Variants in CFHR3 observed in about 807,000 individuals in gnomAD.
CFHR3 encodes complement factor H related 3, also known as complement factor H-related protein 3.
CFHR3 carries 22 observed loss-of-function variants against 36.0 expected under a neutral mutation model. The ratio of observed to expected loss-of-function variants is 0.61; its 90% CI spans 0.44 to 0.87. The LOEUF (loss-of-function observed/expected upper bound fraction) is 0.87. CFHR3 is among the 40% of genes least tolerant of loss of function. The probability of loss-of-function intolerance (pLI) is 0.00; values close to 1 mark genes in which losing one functional copy is unlikely to be tolerated. For synonymous variants in CFHR3, 97 were observed against 137.4 expected (o/e 0.71, Z 2.06); for missense variants, 276 against 401.3 (o/e 0.69, Z 2.67).
At chr1:196,789,076 C>T (rs1458286432) in intron 4 of CFHR3, 1 of 1,124,866 alleles carries the variant, frequency 8.9e-7, no homozygotes, top group Non-Finnish European at 1.1e-6. Context: ...GGAAATCTTT[C>T]AGTGGCAAAA....
Position 196,782,909 on chromosome 1 carries a change from T to G in CFHR3, c.430+2936T>G, listed in dbSNP as rs1044331992. ...TTTTCAAAGGAATGCTTCCAGTTTT[T>G]GCCCATTCAGTATGATATTGGCTGT... is the stretch of plus-strand genomic sequence containing the variant. On this transcript the variant is annotated intron_variant, in intron 3 of 5. Transcript: ENST00000367425. Among the ~76,000 whole-genome samples, 4 of 137,372 alleles carry G rather than the reference T, an allele frequency of 2.9e-5. 1 individual carries two copies. Among genetic ancestry groups the G allele is most frequent in the African/African-American group, 1.2e-4 (4 of 32,886 alleles). 90.1% of individuals were successfully genotyped at this position (137,372 alleles called of 152,430 possible).
intron 3 of CFHR3, among the ~76,000 whole-genome samples, chr1:196,781,597 C>T (rs1411579732): frequency 7.3e-6 from 1 of 137,022 alleles, no homozygotes; most frequent in Non-Finnish European, 1.5e-5. Context: ...GCGTAAATGT[C>T]TTCTTTTGAG....
chr1:196,790,561 A>G (rs188160886), intron 5 of CFHR3, among the ~76,000 whole-genome samples: 1 of 134,320 alleles, frequency 7.4e-6, no homozygotes, highest in East Asian at 2.0e-4. Flanking sequence ...CCGTATCTAC[A>G]AAAAATACAA....
intron 2 of CFHR3, 122 bp downstream of exon 2, chr1:196,779,478 A>G (rs1363494898): frequency 1.1e-6 from 1 of 882,852 alleles, no homozygotes; most frequent in East Asian, 2.5e-5. Flanking sequence ...GAGTTGTTCA[A>G]GCAAAATGAC....
In CFHR3 at chr1:196,790,163, A is replaced by G; in HGVS notation, c.732A>G (p.Glu244=). 7.3e-7 allele frequency: 1 copy of G among 1,370,736 alleles called. No homozygotes were observed. The highest frequency in any genetic ancestry group is 9.7e-7 in the Non-Finnish European group (1 of 1,028,920). 84.9% of individuals were successfully genotyped at this position (1,370,736 alleles called of 1,614,324 possible). ...RVEYQCQPYY[E]LQGSNYVTCS... ...AGTACCAATGCCAGCCCTACTATGA[A>G]CTTCAGGGTTCTAATTATGTAACAT... Residue 244 remains glutamate, a synonymous_variant, in exon 5 of 6, where the codon GAA becomes GAG. Coordinates refer to ENST00000367425, the MANE Select transcript of CFHR3 (RefSeq NM_021023.6).
intron 1 of CFHR3, among the ~76,000 whole-genome samples, chr1:196,775,281 T>G (rs895120191): frequency 7.3e-6 from 1 of 137,060 alleles, no homozygotes; most frequent in Non-Finnish European, 1.6e-5. Context: ...ATGTTCAGAA[T>G]TTTCCTATAC....
In CFHR3 at chr1:196,779,994, T is replaced by C. The variant is rs1360787633; in HGVS notation, c.430+21T>C. On this transcript the variant is annotated intron_variant, in intron 3 of 5. Transcript: ENST00000367425. ...TGTCAGTAAGTACACCGCTCTGAGA[T>C]CCCAGCATGTTCATGTCTTTCTAAG... The C allele has an allele frequency of 1.3e-6, 2 of 1,531,576 alleles. 1 individual carries two copies. Among genetic ancestry groups the C allele is most frequent in the African/African-American group, 3.3e-5 (2 of 60,654 alleles). 94.9% of individuals were successfully genotyped at this position (1,531,576 alleles called of 1,614,324 possible).
chr1:196,789,939 C>T lies in CFHR3; in HGVS notation c.614-106C>T. 2.4e-6 allele frequency: 3 copies of T among 1,238,434 alleles called. 1 individual carries two copies. Among genetic ancestry groups the T allele is most frequent in the Non-Finnish European group, 3.2e-6 (3 of 951,040 alleles). 76.7% of individuals were successfully genotyped at this position (1,238,434 alleles called of 1,614,324 possible). On this transcript the variant is annotated intron_variant, in intron 4 of 5. Transcript: ENST00000367425. ...CAACGTTGAAAATGCAGATGTCTTC[C>T]TAAGAAATCAAATAAGATACAGTTA...
chr1:196,789,607 T>C lies in CFHR3; in HGVS notation c.614-438T>C, dbSNP rs111562370. The C allele has an allele frequency of 4.0e-3, 5,332 of 1,346,902 alleles. 1,177 individuals carry two copies. The African/African-American group carries it at 0.073, about 19-fold the overall frequency. The allele number at this position is 1,346,902 out of a possible 1,614,324, so 83.4% of individuals were successfully genotyped here. On this transcript the variant is annotated intron_variant, in intron 4 of 5. Transcript: ENST00000367425. ...TTACATAACTACATAAATGGTTACA[T>C]TAACTTTTAAATTCACAAATTTAAA...
intron 1 of CFHR3, among the ~76,000 whole-genome samples, chr1:196,778,459 C>A (rs1290868080): frequency 7.3e-6 from 1 of 136,632 alleles, no homozygotes; most frequent in Non-Finnish European, 1.5e-5. Context: ...ATAGAAGAAA[C>A]ATAAATTATA....
At position 196,789,437 on chromosome 1, in the gene CFHR3, A is replaced by G. The variant is rs1654337262; in HGVS notation, c.614-608A>G. ...GGGCTCTGTGTAAAGAAAAAGGTGT[A>G]TACTTCAATTTTACTCAGCTTTGAT... On this transcript the variant is annotated intron_variant, in intron 4 of 5. Coordinates refer to ENST00000367425, the MANE Select transcript of CFHR3 (RefSeq NM_021023.6). 2 of 928,952 alleles carry G rather than the reference A, an allele frequency of 2.2e-6. 1 individual carries two copies. The highest frequency in any genetic ancestry group is 9.8e-5 in the South Asian group (2 of 20,488). The allele number at this position is 928,952 out of a possible 1,614,324, so 57.5% of individuals were successfully genotyped here. A position where few individuals can be genotyped will look rare whatever the true frequency, so the allele number is the denominator to read the frequency against.
rs142116844 is a variant in CFHR3 at position 196,787,767 on chromosome 1, A to G, written c.431-449A>G. ...CAACCATTTTAAATTCTTGGAGACA[A>G]AGGATTTACAAAATTACTTTCTTGC... On this transcript the variant is annotated intron_variant, in intron 3 of 5. Coordinates refer to ENST00000367425, the MANE Select transcript of CFHR3 (RefSeq NM_021023.6). Among the ~76,000 whole-genome samples the G allele has an allele frequency of 7.7e-3, 1,063 of 137,268 alleles. 269 individuals are homozygous for G. The highest frequency in any genetic ancestry group is 0.031 in the African/African-American group (1,026 of 32,880). 90.1% of individuals were successfully genotyped at this position (137,268 alleles called of 152,430 possible).
rs1443938670 is a variant in CFHR3 at position 196,794,222 on chromosome 1, T to C, written c.*709T>C. 7.2e-5 allele frequency: 12 copies of C among 166,680 alleles called. 1 individual carries two copies. Among genetic ancestry groups the C allele is most frequent in the Non-Finnish European group, 1.3e-4 (11 of 83,492 alleles). The allele number at this position is 166,680 out of a possible 1,614,324, so 10.3% of individuals were successfully genotyped here. On this transcript the variant is annotated 3_prime_UTR_variant, in exon 6 of 6. Transcript: ENST00000367425. ...GCACACGCCTGTAATCCTAGCACTT[T>C]GAGAGGCCAAGCTGGCAATCATCAG...
chr1:196,778,754 AATT>A (rs1257935480), intron 1 of CFHR3, among the ~76,000 whole-genome samples: 3 of 136,610 alleles, frequency 2.2e-5, no homozygotes, highest in Admixed American at 1.4e-4. Context: ...TCCAAAAAAC[AATT>A]ATTGGTAATG....
rs183051788 is a variant in CFHR3, at chr1:196,783,782, G to A, written c.430+3809G>A. Among the ~76,000 whole-genome samples, 90 of 136,228 alleles carry A rather than the reference G, an allele frequency of 6.6e-4. 22 individuals carry two copies. The highest frequency in any genetic ancestry group is 2.3e-3 in the African/African-American group (76 of 32,416). The allele number at this position is 136,228 out of a possible 152,430, so 89.4% of individuals were successfully genotyped here. On this transcript the variant is annotated intron_variant, in intron 3 of 5. Transcript: ENST00000367425. ...CCTGGATTCATTAATTTTTTGACAG[G>A]CTTTTTGTGCCTCTATTTCCTTCAG... is the stretch of plus-strand genomic sequence containing the variant.
Position 196,779,909 on chromosome 1 carries a change from A to G in CFHR3, c.366A>G (p.Lys122=). The change falls in exon 3 of 6, where the codon AAA becomes AAG. Residue 122 remains lysine, a synonymous_variant. Transcript: ENST00000367425. ...VACHPGYGLP[K]AQTTVTCTEK... is the part of the protein sequence containing the mutation. ...GCCATCCTGGCTACGGTCTTCCAAA[A>G]GCGCAGACCACAGTTACATGTACGG... 6.5e-7 allele frequency: 1 copy of G among 1,533,612 alleles called. No homozygotes were observed. The highest frequency in any genetic ancestry group is 1.6e-5 in the African/African-American group (1 of 60,684).
Position 196,782,601 on chromosome 1 carries a change from G to T in CFHR3, c.430+2628G>T, listed in dbSNP as rs1422279961. ...GAGTTCACTCATGATTTGGCTCTCT[G>T]TTTGTCTGTTATTGGTGTATAAGAA... On this transcript the variant is annotated intron_variant, in intron 3 of 5. Coordinates refer to ENST00000367425, the MANE Select transcript of CFHR3 (RefSeq NM_021023.6). Among the ~76,000 whole-genome samples, 3 of 136,552 alleles carry T rather than the reference G, an allele frequency of 2.2e-5. 1 individual carries two copies. The highest frequency in any genetic ancestry group is 4.7e-5 in the Non-Finnish European group (3 of 64,474). The allele number at this position is 136,552 out of a possible 152,430, so 89.6% of individuals were successfully genotyped here. A position where few individuals can be genotyped will look rare whatever the true frequency, so the allele number is the denominator to read the frequency against.
At chr1:196,781,456 A>G (rs1653944770) in intron 3 of CFHR3, among the ~76,000 whole-genome samples, 1 of 134,038 alleles carries the variant, frequency 7.5e-6, no homozygotes, top group Non-Finnish European at 1.6e-5. Context: ...CATCCTCTCC[A>G]GCACCTGTTG....
In CFHR3 at chr1:196,786,519, T is replaced by C. The variant is rs56738717; in HGVS notation, c.431-1697T>C. Among the ~76,000 whole-genome samples the C allele has an allele frequency of 1.4e-4, 18 of 131,650 alleles. 3 individuals are homozygous for C. Among genetic ancestry groups the C allele is most frequent in the African/African-American group, 6.3e-4 (18 of 28,594 alleles). 86.4% of individuals were successfully genotyped at this position (131,650 alleles called of 152,430 possible). ...AAGCCTGGGCAATGGCAGGCCCCCCTCCCCCAGCCTCGCTGCCGCCTTGCA... is the reference window on the plus strand; with the variant it reads ...AAGCCTGGGCAATGGCAGGCCCCCCCCCCCCAGCCTCGCTGCCGCCTTGCA... On this transcript the variant is annotated intron_variant, in intron 3 of 5. Transcript: ENST00000367425.
Sources: gnomAD v4.1 joint callset for allele counts (sites outside exome capture counted in the v4.1 genomes callset) on GRCh38, gnomAD v4.1.1 for gene constraint, MANE v1.5 for transcripts, NCBI Gene and HGNC (gene_info 2026-07-23, HGNC 2026-07-21) for gene names.